The following ASPH variants were observed in gnomAD, a reference collection of about 807,000 sequenced individuals.
The protein encoded by ASPH is aspartyl/asparaginyl beta-hydroxylase.
A neutral mutation model predicts 118.4 loss-of-function variants in ASPH; 100 were observed. That is an observed-to-expected ratio of 0.84 (90% CI 0.72 to 1.00). ASPH has a LOEUF of 1.00. ASPH is among the 50% of genes least tolerant of loss of function. The pLI, the probability that ASPH is intolerant of heterozygous loss-of-function variation, is 0.00. For synonymous variants in ASPH, 315 were observed against 325.6 expected, an observed-to-expected ratio of 0.97 and a Z score of 0.35; for missense variants, 920 against 919.5, an observed-to-expected ratio of 1.00 and a Z score of -0.01.
At chr8:61,519,045 T>C (rs1234809068) in intron 22 of ASPH, among the ~76,000 whole-genome samples, 16 of 152,192 alleles carry the variant, frequency 1.1e-4, no homozygotes, top group Admixed American at 1.0e-3. Context: ...GCTTGCCGAA[T>C]AGCAACAGGA....
intron 1 of ASPH, among the ~76,000 whole-genome samples, chr8:61,712,535 A>G (rs1013486300): frequency 6.6e-6 from 1 of 152,184 alleles, no homozygotes; most frequent in African/African-American, 2.4e-5. Context: ...TCTTTTACAT[A>G]CTATGTCTGT....
intron 14 of ASPH, among the ~76,000 whole-genome samples, chr8:61,618,498 A>G (rs984766644): frequency 6.6e-6 from 1 of 152,194 alleles, no homozygotes; most frequent in Non-Finnish European, 1.5e-5. Flanking sequence ...CTTGAAAAAG[A>G]TATCATGTTC....
At chr8:61,524,661 CCAA>C (rs1254119211) in intron 22 of ASPH, among the ~76,000 whole-genome samples, 1 of 152,144 alleles carries the variant, frequency 6.6e-6, no homozygotes, top group East Asian at 1.9e-4. Context: ...AATGTTACCT[CCAA>C]CAACATTATT....
rs151281885 is a variant in ASPH, at chr8:61,674,758, G to T, written c.322+6210C>A. On this transcript the variant is annotated intron_variant, in intron 3 of 24. Coordinates refer to ENST00000379454, the MANE Select transcript of ASPH (RefSeq NM_004318.4). The stretch of plus-strand genomic sequence containing the variant: ...GTCCCCTCAGAATAAATGGATGAAT[G>T]ATACACTTATTGAAAGTAATTTGAT... 1.4e-3 allele frequency among the ~76,000 whole-genome samples: 217 copies of T among 152,250 alleles called. 1 individual carries two copies. The highest frequency in any genetic ancestry group is 4.5e-3 in the African/African-American group (185 of 41,542).
At chr8:61,527,586 C>A (rs1438103456) in intron 21 of ASPH, among the ~76,000 whole-genome samples, 5 of 152,134 alleles carry the variant, frequency 3.3e-5, no homozygotes, top group Non-Finnish European at 5.9e-5. Context: ...AACGGAAGAC[C>A]AATGAGATGT....
At chr8:61,644,672 C>A in intron 6 of ASPH, 40 bp from the exon 7 acceptor site, 2 of 1,509,368 alleles carry the variant, frequency 1.3e-6, no homozygotes, top group Non-Finnish European at 1.8e-6. Context: ...ACTGCTTTTA[C>A]AAAATGGTAT....
chr8:61,598,978 C>T (rs967089648), intron 14 of ASPH, among the ~76,000 whole-genome samples: 15 of 151,820 alleles, frequency 9.9e-5, no homozygotes, highest in African/African-American at 3.6e-4. Context: ...ATACCAAAAC[C>T]CATGAGATAC....
intron 14 of ASPH, among the ~76,000 whole-genome samples, chr8:61,595,810 C>T (rs1842357001): frequency 6.6e-6 from 1 of 151,974 alleles, no homozygotes; most frequent in Admixed American, 6.5e-5. Flanking sequence ...ATTCAGGGGC[C>T]TAAAAACAGG....
chr8:61,507,975 C>A (rs1807297923), intron 24 of ASPH, among the ~76,000 whole-genome samples: 1 of 152,082 alleles, frequency 6.6e-6, no homozygotes, highest in Non-Finnish European at 1.5e-5. Context: ...ACTGTTGGAA[C>A]TTCCTCCTTC....
intron 5 of ASPH, among the ~76,000 whole-genome samples, chr8:61,647,588 T>C (rs1808680075): frequency 6.6e-6 from 1 of 152,086 alleles, no homozygotes; most frequent in Non-Finnish European, 1.5e-5. Context: ...GGAGAATCGC[T>C]TGAACCTGGG....
At chr8:61,702,591 A>G (rs1050049185) in intron 1 of ASPH, among the ~76,000 whole-genome samples, 2 of 152,108 alleles carry the variant, frequency 1.3e-5, no homozygotes, top group African/African-American at 4.8e-5. Flanking sequence ...CAGCCCCCCA[A>G]TAACTACTTC....
intron 14 of ASPH, among the ~76,000 whole-genome samples, chr8:61,605,491 T>C (rs994029936): frequency 2.6e-5 from 4 of 152,272 alleles, no homozygotes; most frequent in African/African-American, 7.2e-5. Context: ...TTGTTCAAGA[T>C]GAAATAGCAA....
At chr8:61,640,505 C>T (rs1804628094) in intron 10 of ASPH, among the ~76,000 whole-genome samples, 1 of 152,204 alleles carries the variant, frequency 6.6e-6, no homozygotes, top group Admixed American at 6.5e-5. Context: ...CAATTGTTCT[C>T]ACCTTCAGCT....
Position 61,518,214 on chromosome 8 carries a change from A to G in ASPH, c.1901-91T>C, listed in dbSNP as rs548308456. 8 of 1,060,388 alleles carry G rather than the reference A, an allele frequency of 7.5e-6. No homozygotes were observed. The South Asian group carries it at 1.1e-4, about 15-fold the overall frequency. 65.7% of individuals were successfully genotyped at this position (1,060,388 alleles called of 1,614,324 possible). A position where few individuals can be genotyped will look rare whatever the true frequency, so the allele number is the denominator to read the frequency against. The stretch of plus-strand genomic sequence containing the variant: ...GAGGTGAGAGCTATATGTCATCCTC[A>G]CTGCAGGAATGAGAAGATTGAGTAA... On this transcript the variant is annotated intron_variant, in intron 22 of 24. Transcript: ENST00000379454.
chr8:61,523,756 C>T (rs1814154738), intron 22 of ASPH, among the ~76,000 whole-genome samples: 2 of 152,138 alleles, frequency 1.3e-5, no homozygotes, highest in Non-Finnish European at 2.9e-5. Context: ...TGAATTTTAT[C>T]CCTTTATGAC....
chr8:61,655,066 A>G (rs985278756), intron 3 of ASPH, among the ~76,000 whole-genome samples: 2 of 152,198 alleles, frequency 1.3e-5, no homozygotes, highest in African/African-American at 4.8e-5. Context: ...ATGAATGGGA[A>G]AAAGCTTAAG....
chr8:61,614,554 T>C (rs1230006081), intron 14 of ASPH, among the ~76,000 whole-genome samples: 3 of 152,186 alleles, frequency 2.0e-5, no homozygotes, highest in African/African-American at 4.8e-5. Context: ...GGCATGATCA[T>C]AGTTCACTGC....
chr8:61,695,174 C>T (rs1043109452), intron 1 of ASPH, among the ~76,000 whole-genome samples: 7 of 152,226 alleles, frequency 4.6e-5, no homozygotes, highest in African/African-American at 1.7e-4. Context: ...CATCAAAATC[C>T]AAGTTATCAT....
At chr8:61,682,748 C>G (rs532605432) in intron 2 of ASPH, among the ~76,000 whole-genome samples, 1 of 152,076 alleles carries the variant, frequency 6.6e-6, no homozygotes, top group Non-Finnish European at 1.5e-5. Context: ...ATTCCTACAG[C>G]CAAAAATTTG....
Sources: gnomAD v4.1 joint callset for allele counts (sites outside exome capture counted in the v4.1 genomes callset) on GRCh38, gnomAD v4.1.1 for gene constraint, MANE v1.5 for transcripts, NCBI Gene and HGNC (gene_info 2026-07-23, HGNC 2026-07-21) for gene names.